The following CDK5RAP2 variants were observed in gnomAD, a reference collection of about 807,000 sequenced individuals.
CDK5RAP2 encodes CDK5 regulatory subunit associated protein 2, also known as CDK5 regulatory subunit-associated protein 2.
CDK5RAP2 carries 147 observed loss-of-function variants against 232.9 expected under a neutral mutation model. The ratio of observed to expected loss-of-function variants is 0.63; its 90% CI spans 0.55 to 0.72. CDK5RAP2 has a LOEUF of 0.72. Ranked by LOEUF, CDK5RAP2 falls within the 30% of genes least tolerant of loss-of-function variation. The probability of loss-of-function intolerance (pLI) is 0.00; values close to 1 mark genes in which losing one functional copy is unlikely to be tolerated. For synonymous variants in CDK5RAP2, 833 were observed against 833.7 expected (o/e 1.00, Z 0.01); for missense variants, 2,195 against 2,231.5 (o/e 0.98, Z 0.33).
Position 120,477,349 on chromosome 9 carries a change from CCTGT to C in CDK5RAP2, c.1724_1727del (p.Asp575ValfsTer9), listed in dbSNP as rs2038070616. The C allele has an allele frequency of 6.2e-7, 1 of 1,607,550 alleles. No individual in the cohort carries two copies. The highest frequency in any genetic ancestry group is 8.5e-7 in the Non-Finnish European group (1 of 1,174,568). Reference sequence around the variant, plus strand: ...TGTGATGTCCAGACAGAAACGCTTACCTGTCTGATTCCTGCAGAGATTTGACCAG... The same window carrying C: ...TGTGATGTCCAGACAGAAACGCTTACCTGATTCCTGCAGAGATTTGACCAG... On this transcript the variant is annotated frameshift_variant and splice_region_variant, in exon 15 of 38. Coordinates refer to ENST00000349780, the MANE Select transcript of CDK5RAP2 (RefSeq NM_018249.6). LOFTEE classifies it high-confidence loss of function.
At chr9:120,505,386 C>T (rs2039764292) in intron 12 of CDK5RAP2, among the ~76,000 whole-genome samples, 1 of 152,170 alleles carries the variant, frequency 6.6e-6, no homozygotes, top group South Asian at 2.1e-4. Context: ...TGGCCATTCC[C>T]TGTCTCCTTC....
At chr9:120,406,981 C>A (rs1219631621) in intron 32 of CDK5RAP2, 31 bp downstream of exon 32, 2 of 1,507,472 alleles carry the variant, frequency 1.3e-6, no homozygotes, top group South Asian at 2.3e-5. Context: ...GAGCTGCATT[C>A]TCAGCAAGTG....
chr9:120,403,188 C>T lies in CDK5RAP2; in HGVS notation c.5042-117G>A. The T allele has an allele frequency of 9.8e-7, 1 of 1,021,390 alleles. No individual in the cohort carries two copies. The highest frequency in any genetic ancestry group is 1.5e-6 in the Non-Finnish European group (1 of 668,928). The allele number at this position is 1,021,390 out of a possible 1,614,324, so 63.3% of individuals were successfully genotyped here. On this transcript the variant is annotated intron_variant, in intron 33 of 37. Transcript: ENST00000349780. The surrounding 1 kb of genome is among the most constrained non-coding windows in gnomAD (Gnocchi z 4.2). ...AAGAGGCCCTCGTGCCCAAATGCCA[C>T]CCAACACAAGCCCAGAGGGGAAAAG...
chr9:120,532,889 T>C (rs1418108226), intron 7 of CDK5RAP2, among the ~76,000 whole-genome samples: 1 of 152,158 alleles, frequency 6.6e-6, no homozygotes, highest in Admixed American at 6.5e-5. Flanking sequence ...AAGTACTTGA[T>C]ACACGTTAAC....
At chr9:120,402,008 A>G (rs2033065427) in intron 34 of CDK5RAP2, among the ~76,000 whole-genome samples, 1 of 151,918 alleles carries the variant, frequency 6.6e-6, no homozygotes, top group Admixed American at 6.6e-5. Flanking sequence ...TTATATATAT[A>G]CTGCCAGGCA....
chr9:120,562,316 G>C (rs956576711), intron 3 of CDK5RAP2, among the ~76,000 whole-genome samples: 2 of 152,106 alleles, frequency 1.3e-5, no homozygotes, highest in African/African-American at 4.8e-5. Context: ...CCAGGTTTTT[G>C]GAGGGCATGG....
intron 14 of CDK5RAP2, among the ~76,000 whole-genome samples, chr9:120,485,816 C>T (rs1318889948): frequency 2.0e-5 from 3 of 152,158 alleles, no homozygotes; most frequent in Non-Finnish European, 4.4e-5. Context: ...AGTTATAAGA[C>T]TTGCCCCAGG....
intron 9 of CDK5RAP2, among the ~76,000 whole-genome samples, chr9:120,528,455 G>A (rs188838300): frequency 1.3e-5 from 2 of 152,332 alleles, no homozygotes; most frequent in Admixed American, 1.3e-4. Flanking sequence ...TGGCACATGG[G>A]CAGGTCCAAA....
Position 120,419,888 on chromosome 9 carries a change from G to A in CDK5RAP2, c.4077C>T (p.Leu1359=), listed in dbSNP as rs2034462829. ...ACTTTTCAGATGTTTCATAATCAGAGAGCGCATGAGAGGCTGAAGGCTCAG... is the reference window on the plus strand; with the variant it reads ...ACTTTTCAGATGTTTCATAATCAGAAAGCGCATGAGAGGCTGAAGGCTCAG... ...ESPEPSASHA[L]SDYETSEKSF... Residue 1359 remains leucine, a synonymous_variant, in exon 27 of 38, where the codon CTC becomes CTT. Transcript: ENST00000349780. 6.2e-7 allele frequency: 1 copy of A among 1,613,620 alleles called. No individual in the cohort carries two copies.
intron 3 of CDK5RAP2, 33 bp from the exon 4 acceptor site, chr9:120,550,935 AAAC>A: frequency 7.7e-7 from 1 of 1,297,180 alleles, no homozygotes; most frequent in Non-Finnish European, 1.1e-6. Flanking sequence ...CATCAAAAGC[AAAC>A]AAAAGACAGA....
At chr9:120,494,109 A>G (rs1028648783) in intron 12 of CDK5RAP2, among the ~76,000 whole-genome samples, 4 of 151,304 alleles carry the variant, frequency 2.6e-5, no homozygotes, top group Admixed American at 2.6e-4. Context: ...AAAAAAAAAA[A>G]GTAAAGGAAG....
At chr9:120,453,980 C>G in intron 20 of CDK5RAP2, 107 bp from the exon 21 acceptor site, 1 of 1,147,370 alleles carries the variant, frequency 8.7e-7, no homozygotes, top group East Asian at 2.4e-5. Flanking sequence ...CAGATTCCAT[C>G]AAAACTAAAT....
chr9:120,417,247 G>A (rs115883046), intron 27 of CDK5RAP2, among the ~76,000 whole-genome samples: 5,540 of 143,156 alleles, frequency 0.039, 116 homozygotes, highest in African/African-American at 0.065. Flanking sequence ...GCACCTCTGC[G>A]CTCCTTAAAC....
Position 120,403,376 on chromosome 9 carries a change from C to T in CDK5RAP2, c.5042-305G>A. 1 of 426,528 alleles carries T rather than the reference C, an allele frequency of 2.3e-6. No individual in the cohort carries two copies. Among genetic ancestry groups the T allele is most frequent in the Admixed American group, 3.7e-5 (1 of 26,876 alleles). 26.4% of individuals were successfully genotyped at this position (426,528 alleles called of 1,614,324 possible). On this transcript the variant is annotated intron_variant, in intron 33 of 37. Transcript: ENST00000349780. The surrounding 1 kb of genome is among the most constrained non-coding windows in gnomAD (Gnocchi z 4.2). ...AGCTGGTGCCTGCATTCCAGTAGCC[C>T]ACAGTCTGATCAGAACACAGACACT... is the stretch of plus-strand genomic sequence containing the variant.
intron 12 of CDK5RAP2, chr9:120,517,893 CAA>C: frequency 3.0e-6 from 1 of 327,938 alleles, no homozygotes; most frequent in Non-Finnish European, 6.1e-6. Context: ...GACCCTGTCT[CAA>C]AAAAAACAAC....
At chr9:120,575,599 A>G (rs1046724768) in intron 1 of CDK5RAP2, among the ~76,000 whole-genome samples, 2 of 151,790 alleles carry the variant, frequency 1.3e-5, no homozygotes, top group African/African-American at 2.4e-5. Context: ...TTACACAAAC[A>G]AACTCACTTT....
intron 32 of CDK5RAP2, among the ~76,000 whole-genome samples, chr9:120,405,793 G>A (rs957972278): frequency 2.6e-5 from 4 of 152,238 alleles, no homozygotes; most frequent in Admixed American, 6.5e-5. Flanking sequence ...ATAAATCAAC[G>A]GGGTCATGGA....
chr9:120,531,059 G>C (rs887310738), intron 7 of CDK5RAP2, among the ~76,000 whole-genome samples: 13 of 151,902 alleles, frequency 8.6e-5, no homozygotes, highest in African/African-American at 2.7e-4. Flanking sequence ...TCCTTCCCAG[G>C]CATTCCAGGT....
chr9:120,424,261 A>G (rs962333530), intron 25 of CDK5RAP2, among the ~76,000 whole-genome samples: 4 of 152,242 alleles, frequency 2.6e-5, no homozygotes, highest in Admixed American at 1.3e-4. Flanking sequence ...AGCTACTTCA[A>G]TCACAAACCT....
Sources: allele counts gnomAD v4.1 joint callset (sites outside exome capture counted in the v4.1 genomes callset), GRCh38; gene constraint gnomAD v4.1.1; non-coding constraint Gnocchi (gnomAD v3.1); transcripts MANE v1.5; gene names NCBI Gene and HGNC (gene_info 2026-07-23, HGNC 2026-07-21).